PCDHB9: variants seen among roughly 807,000 people sequenced by gnomAD.
PCDHB9 encodes the protein protocadherin beta 9, also known as protocadherin beta-9.
For missense variants in PCDHB9, 1,072 were observed against 995.1 expected (o/e 1.08, Z -1.04); for synonymous variants, 501 against 439.7 (o/e 1.14, Z -1.75).
Position 141,187,231 on chromosome 5 carries a change from G to C in PCDHB9, c.-88G>C. The C allele has an allele frequency of 7.2e-7, 1 of 1,384,140 alleles. No homozygotes were observed. The highest frequency in any genetic ancestry group is 9.9e-7 in the Non-Finnish European group (1 of 1,010,366). The allele number at this position is 1,384,140 out of a possible 1,614,324, so 85.7% of individuals were successfully genotyped here. On this transcript the variant is annotated 5_prime_UTR_variant, in exon 1 of 1. Coordinates refer to ENST00000316105, the MANE Select transcript of PCDHB9 (RefSeq NM_019119.5). ...GGGAAAGGAAAAATTAAAAACCCTA[G>C]ATCTCTGGTACACATAAGTCTGGGT... is the stretch of plus-strand genomic sequence containing the variant.
Position 141,189,496 on chromosome 5 carries a change from G to A in PCDHB9, c.2178G>A (p.Ser726=), listed in dbSNP as rs189058805. 108 of 1,613,200 alleles carry A rather than the reference G, an allele frequency of 6.7e-5. 3 individuals carry two copies. The South Asian group carries it at 1.2e-3, about 18-fold the overall frequency. ...RSRAASVGRC[S]VPEGPFPGHL... is the part of the protein sequence containing the mutation. ...GGGCGGCCTCGGTGGGTCGCTGCTC[G>A]GTGCCCGAGGGTCCTTTTCCAGGGC... The change falls in exon 1 of 1, where the codon TCG becomes TCA. Residue 726 remains serine, a synonymous_variant. Transcript: ENST00000316105.
Position 141,188,322 on chromosome 5 carries a change from TA to T in PCDHB9, c.1008del (p.Val337TyrfsTer2). The T allele has an allele frequency of 6.2e-7, 1 of 1,614,140 alleles. No homozygotes were observed. Among genetic ancestry groups the T allele is most frequent in the Non-Finnish European group, 8.5e-7 (1 of 1,180,008 alleles). ...CTTTCTGCAAGATGTACAGTTTTGA[TA>T]AAAGTATTAGATTCCAATGACAATC... ...GGLSARCTVL[I>X]KVLDSNDNPP... On this transcript the variant is annotated frameshift_variant, in exon 1 of 1. Coordinates refer to ENST00000316105, the MANE Select transcript of PCDHB9 (RefSeq NM_019119.5). LOFTEE classifies it low-confidence loss of function (END_TRUNC).
In PCDHB9 at chr5:141,190,658, C is replaced by CAAAAAAAAAAAAAAAAAAAAAAAAAAAAA. The variant is rs201095971; in HGVS notation, c.*962_*963insAAAAAAAAAAAAAAAAAAAAAAAAAAAAA. On this transcript the variant is annotated 3_prime_UTR_variant, in exon 1 of 1. Coordinates refer to ENST00000316105, the MANE Select transcript of PCDHB9 (RefSeq NM_019119.5). ...TGTAAATGGGCTTTAGTCTGGAAACCAAAAAAAAAAAAAAAATTTAGTCAT... is the reference window on the plus strand; with the variant it reads ...TGTAAATGGGCTTTAGTCTGGAAACCAAAAAAAAAAAAAAAAAAAAAAAAAAAAAAAAAAAAAAAAAAAAATTTAGTCAT... The CAAAAAAAAAAAAAAAAAAAAAAAAAAAAA allele has an allele frequency of 5.1e-5, 6 of 118,418 alleles. No individual in the cohort carries two copies. The highest frequency in any genetic ancestry group is 2.9e-4 in the South Asian group (1 of 3,442). 7.3% of individuals were successfully genotyped at this position (118,418 alleles called of 1,614,324 possible).
chr5:141,187,281 C>A lies in PCDHB9; in HGVS notation c.-38C>A, dbSNP rs1466299650. Reference sequence around the variant, plus strand: ...TTTGCGATTGCTATTTGTGCTGGGGCAGTGTGATTGAGACTGACATTGAGG... The same window carrying A: ...TTTGCGATTGCTATTTGTGCTGGGGAAGTGTGATTGAGACTGACATTGAGG... On this transcript the variant is annotated 5_prime_UTR_variant, in exon 1 of 1. Transcript: ENST00000316105. The A allele has an allele frequency of 6.3e-7, 1 of 1,578,170 alleles. No homozygotes were observed. The highest frequency in any genetic ancestry group is 1.4e-5 in the African/African-American group (1 of 73,748).
In PCDHB9 at chr5:141,190,182, G is replaced by GTT. The variant is rs368429004; in HGVS notation, c.*483_*484dup. 4,362 of 139,534 alleles carry GTT rather than the reference G, an allele frequency of 0.031. 130 individuals are homozygous for GTT. Among genetic ancestry groups the GTT allele is most frequent in the Middle Eastern group, 0.049 (13 of 266 alleles). The allele number at this position is 139,534 out of a possible 1,614,324, so 8.6% of individuals were successfully genotyped here. On this transcript the variant is annotated 3_prime_UTR_variant, in exon 1 of 1. Transcript: ENST00000316105. Reference sequence around the variant, plus strand: ...TGTTTGTTTGTTTTTTGGTTTGTTTGTTTTTTTTTTTTTTGAGACGGAGTC... The same window carrying GTT: ...TGTTTGTTTGTTTTTTGGTTTGTTTGTTTTTTTTTTTTTTTTGAGACGGAGTC...
rs370463765 is a variant in PCDHB9 at position 141,189,616 on chromosome 5, C to A, written c.2298C>A (p.Phe766Leu). 6.2e-7 allele frequency: 1 copy of A among 1,614,096 alleles called. No homozygotes were observed. Among genetic ancestry groups the A allele is most frequent in the Non-Finnish European group, 8.5e-7 (1 of 1,180,024 alleles). ...GTTCAGAGACCGGCGAGTTCAAGTT[C>A]TTGAAGCCGATTACCCCCCACCTCC... ...TGGSETGEFKFLKPITPHLPP... is the reference protein window; with the variant it reads ...TGGSETGEFKLLKPITPHLPP... Residue 766 changes from phenylalanine (F) to leucine (L), a missense_variant, in exon 1 of 1, where the codon TTC becomes TTA. Physicochemically the swap from Phe to Leu is conservative, Grantham distance 22. Transcript: ENST00000316105.
chr5:141,188,543 C>G lies in PCDHB9; in HGVS notation c.1225C>G (p.Leu409Val). Residue 409 changes from leucine (L) to valine (V), a missense_variant, in exon 1 of 1, where the codon CTG becomes GTG. Physicochemically the swap from Leu to Val is conservative, Grantham distance 32. Transcript: ENST00000316105. ...NFYILMTEGA[L>V]DRESKAEYNI... is the part of the protein sequence containing the mutation. ...TTACATCCTAATGACTGAAGGTGCA[C>G]TGGACAGAGAGAGCAAAGCTGAGTA... is the stretch of plus-strand genomic sequence containing the variant. 1 of 1,614,178 alleles carries G rather than the reference C, an allele frequency of 6.2e-7. No homozygotes were observed. Among genetic ancestry groups the G allele is most frequent in the Non-Finnish European group, 8.5e-7 (1 of 1,180,034 alleles).
rs1336404429 is a variant in PCDHB9 at position 141,191,282 on chromosome 5, C to T, written c.*1570C>T. ...TAAAATAAAATAAAATATAAAATAA[C>T]TTAAAAAGAACTTTGAATAAAATTC... On this transcript the variant is annotated 3_prime_UTR_variant, in exon 1 of 1. Coordinates refer to ENST00000316105, the MANE Select transcript of PCDHB9 (RefSeq NM_019119.5). The T allele has an allele frequency of 6.6e-6, 1 of 151,916 alleles. No homozygotes were observed. Among genetic ancestry groups the T allele is most frequent in the African/African-American group, 2.4e-5 (1 of 41,328 alleles). 9.4% of individuals were successfully genotyped at this position (151,916 alleles called of 1,614,324 possible). A position where few individuals can be genotyped will look rare whatever the true frequency, so the allele number is the denominator to read the frequency against.
In PCDHB9 at chr5:141,188,163, T is replaced by C; in HGVS notation, c.845T>C (p.Phe282Ser). The change falls in exon 1 of 1, where the codon TTT becomes TCT. Residue 282 changes from phenylalanine to serine, a missense_variant. By Grantham distance (155) the Phe-to-Ser change is radical (BLOSUM62 -2). Coordinates refer to ENST00000316105, the MANE Select transcript of PCDHB9 (RefSeq NM_019119.5). The part of the protein sequence containing the change: ...GVNAEVSYSF[F>S]DASEDILTTF... ...AATGCAGAAGTATCCTATTCATTTT[T>C]TGATGCTTCTGAAGATATTTTAACA... 6.2e-7 allele frequency: 1 copy of C among 1,610,668 alleles called. No individual in the cohort carries two copies. The highest frequency in any genetic ancestry group is 8.5e-7 in the Non-Finnish European group (1 of 1,177,958).
At position 141,188,994 on chromosome 5, in the gene PCDHB9, C is replaced by G. The variant is rs1554283188; in HGVS notation, c.1676C>G (p.Pro559Arg). 7.4e-6 allele frequency: 12 copies of G among 1,611,244 alleles called. No homozygotes were observed. The highest frequency in any genetic ancestry group is 1.0e-5 in the Non-Finnish European group (12 of 1,179,744). Reference sequence around the variant, plus strand: ...GTGCTGGACGCCAACGACAACTCGCCCTTCGTGCTGTACCCGCTGCAGAAC... The same window carrying G: ...GTGCTGGACGCCAACGACAACTCGCGCTTCGTGCTGTACCCGCTGCAGAAC... ...VLVLDANDNS[P>R]FVLYPLQNGS... Residue 559 changes from proline to arginine, a missense_variant, in exon 1 of 1, where the codon CCC (proline) becomes CGC (arginine). Transcript: ENST00000316105.
At position 141,189,652 on chromosome 5, in the gene PCDHB9, G is replaced by C. The variant is rs371756368; in HGVS notation, c.2334G>C (p.Arg778Ser). Reference sequence around the variant, plus strand: ...TTACCCCCCACCTCCCGCCCCATAGGGGTGGGAAAGAAATAGAGGAAAATT... The same window carrying C: ...TTACCCCCCACCTCCCGCCCCATAGCGGTGGGAAAGAAATAGAGGAAAATT... ...KPITPHLPPH[R>S]GGKEIEENST... The change falls in exon 1 of 1, where the codon AGG (arginine) becomes AGC (serine). Residue 778 changes from arginine to serine, a missense_variant. Physicochemically the swap from Arg to Ser is moderately radical, Grantham distance 110 (BLOSUM62 -1). Coordinates refer to ENST00000316105, the MANE Select transcript of PCDHB9 (RefSeq NM_019119.5). 8 of 1,613,498 alleles carry C rather than the reference G, an allele frequency of 5.0e-6. No homozygotes were observed. The African/African-American group carries it at 8.0e-5, about 16-fold the overall frequency.
rs574077735 is a variant in PCDHB9, at chr5:141,188,486, C to A, written c.1168C>A (p.Pro390Thr). Residue 390 changes from proline (P) to threonine (T), a missense_variant, in exon 1 of 1, where the codon CCT becomes ACT. By Grantham distance (38) the Pro-to-Thr change is conservative (BLOSUM62 -1). Transcript: ENST00000316105. ...KTICYVQDNL[P>T]FFLKPSVDNF... ...AATTTGCTATGTTCAAGATAATCTG[C>A]CTTTTTTTCTGAAACCGTCTGTTGA... 1 of 1,614,152 alleles carries A rather than the reference C, an allele frequency of 6.2e-7. No individual in the cohort carries two copies.
chr5:141,190,174 G>GTTTTTTT lies in PCDHB9; in HGVS notation c.*465_*466insTTTTTTT, dbSNP rs1376787318. 2 of 121,628 alleles carry GTTTTTTT rather than the reference G, an allele frequency of 1.6e-5. No individual in the cohort carries two copies. The highest frequency in any genetic ancestry group is 6.7e-5 in the African/African-American group (2 of 29,702). 7.5% of individuals were successfully genotyped at this position (121,628 alleles called of 1,614,324 possible). A position where few individuals can be genotyped will look rare whatever the true frequency, so the allele number is the denominator to read the frequency against. ...TTTTTGTTTGTTTGTTTGTTTTTTGGTTTGTTTGTTTTTTTTTTTTTTGAG... is the reference window on the plus strand; with the variant it reads ...TTTTTGTTTGTTTGTTTGTTTTTTGGTTTTTTTTTTGTTTGTTTTTTTTTTTTTTGAG... On this transcript the variant is annotated 3_prime_UTR_variant, in exon 1 of 1. Transcript: ENST00000316105.
At position 141,189,763 on chromosome 5, in the gene PCDHB9, C is replaced by T; in HGVS notation, c.*51C>T. ...TACTTCTTTAATATATTCTTGTTGG[C>T]TAACTAAATTGTGTATGCCCACCAC... On this transcript the variant is annotated 3_prime_UTR_variant, in exon 1 of 1. Transcript: ENST00000316105. 6.8e-7 allele frequency: 1 copy of T among 1,474,918 alleles called. No homozygotes were observed. The highest frequency in any genetic ancestry group is 9.1e-7 in the Non-Finnish European group (1 of 1,094,358). The allele number at this position is 1,474,918 out of a possible 1,614,324, so 91.4% of individuals were successfully genotyped here.
rs570675295 is a variant in PCDHB9, at chr5:141,190,528, A to C, written c.*816A>C. 3.3e-5 allele frequency: 5 copies of C among 152,140 alleles called. No individual in the cohort carries two copies. The highest frequency in any genetic ancestry group is 9.6e-5 in the African/African-American group (4 of 41,490). 9.4% of individuals were successfully genotyped at this position (152,140 alleles called of 1,614,324 possible). A position where few individuals can be genotyped will look rare whatever the true frequency, so the allele number is the denominator to read the frequency against. On this transcript the variant is annotated 3_prime_UTR_variant, in exon 1 of 1. Coordinates refer to ENST00000316105, the MANE Select transcript of PCDHB9 (RefSeq NM_019119.5). ...TATTTTAAAGTTCTAGTTTCCCGGC[A>C]TTGATAGTTCCCTATTTGAAATATA...
In PCDHB9 at chr5:141,190,945, A is replaced by G. The variant is rs1753889538; in HGVS notation, c.*1233A>G. 6.6e-6 allele frequency: 1 copy of G among 152,114 alleles called. No individual in the cohort carries two copies. Among genetic ancestry groups the G allele is most frequent in the Non-Finnish European group, 1.5e-5 (1 of 68,042 alleles). 9.4% of individuals were successfully genotyped at this position (152,114 alleles called of 1,614,324 possible). ...TTTGGGCCTATTATAGACAAAATAG[A>G]GCTTCTTTCTAGATATAAGGTCTTT... On this transcript the variant is annotated 3_prime_UTR_variant, in exon 1 of 1. Coordinates refer to ENST00000316105, the MANE Select transcript of PCDHB9 (RefSeq NM_019119.5).
Position 141,187,347 on chromosome 5 carries a change from G to A in PCDHB9, c.29G>A (p.Arg10Lys). The stretch of plus-strand genomic sequence containing the variant: ...AAGACCAGGGGGTTCAGCTTTCCAA[G>A]ACAAAGGCAAGTCCTGTTTCTTTTT... MKTRGFSFP[R>K]QRQVLFLFLF... is the part of the protein sequence containing the mutation. Residue 10 changes from arginine to lysine, a missense_variant, in exon 1 of 1, where the codon AGA becomes AAA. By Grantham distance (26) the Arg-to-Lys change is conservative. Coordinates refer to ENST00000316105, the MANE Select transcript of PCDHB9 (RefSeq NM_019119.5). 1 of 1,614,102 alleles carries A rather than the reference G, an allele frequency of 6.2e-7. No individual in the cohort carries two copies. The highest frequency in any genetic ancestry group is 8.5e-7 in the Non-Finnish European group (1 of 1,180,010).
rs1282920933 is a variant in PCDHB9, at chr5:141,189,284, G to T, written c.1966G>T (p.Ala656Ser). The T allele has an allele frequency of 1.3e-5, 21 of 1,608,434 alleles. No individual in the cohort carries two copies. The highest frequency in any genetic ancestry group is 2.1e-4 in the Middle Eastern group (1 of 4,662). The change falls in exon 1 of 1, where the codon GCC (alanine) becomes TCC (serine). Residue 656 changes from alanine to serine, a missense_variant. Transcript: ENST00000316105. Reference sequence around the variant, plus strand: ...TGGCGAGCCTCCTCGCTCGGCCACCGCCACGCTGCACGTGCTCCTGGTGGA... The same window carrying T: ...TGGCGAGCCTCCTCGCTCGGCCACCTCCACGCTGCACGTGCTCCTGGTGGA... Reference protein sequence around the residue: ...DNGEPPRSATATLHVLLVDGF... With the variant: ...DNGEPPRSATSTLHVLLVDGF...
rs1309114444 is a variant in PCDHB9, at chr5:141,189,475, G to A, written c.2157G>A (p.Ala719=). The A allele has an allele frequency of 6.2e-7, 1 of 1,613,076 alleles. No individual in the cohort carries two copies. Among genetic ancestry groups the A allele is most frequent in the Middle Eastern group, 1.8e-4 (1 of 5,414 alleles). The change falls in exon 1 of 1, where the codon GCG becomes GCA. Residue 719 remains alanine, a synonymous_variant. Transcript: ENST00000316105. ...VAVRLCRRSR[A]ASVGRCSVPE... ...TGCGGCTGTGCAGGAGGAGCAGGGCGGCCTCGGTGGGTCGCTGCTCGGTGC... is the reference window on the plus strand; with the variant it reads ...TGCGGCTGTGCAGGAGGAGCAGGGCAGCCTCGGTGGGTCGCTGCTCGGTGC...
Sources: allele counts gnomAD v4.1 joint callset, GRCh38; gene constraint gnomAD v4.1.1; transcripts MANE v1.5; gene names NCBI Gene and HGNC (gene_info 2026-07-23, HGNC 2026-07-21).